ROBO1: variants seen among roughly 807,000 people sequenced by gnomAD.
The protein encoded by ROBO1 is roundabout guidance receptor 1.
In ROBO1, 149 loss-of-function variants were observed where a neutral mutation model predicts 195.9. That is an observed-to-expected ratio of 0.76 (90% confidence interval 0.67 to 0.87). The LOEUF is 0.87. Ranked by LOEUF, ROBO1 falls within the 40% of genes least tolerant of loss-of-function variation. ROBO1 has a pLI of 0.00. For synonymous variants in ROBO1, 816 were observed against 733.2 expected (o/e 1.11, Z -1.82); for missense variants, 1,933 against 2,068.3 (o/e 0.93, Z 1.27).
intron 4 of ROBO1, among the ~76,000 whole-genome samples, chr3:78,753,984 GTTTA>G (rs745868304): frequency 2.0e-5 from 3 of 152,222 alleles, no homozygotes; most frequent in African/African-American, 7.2e-5. Flanking sequence ...TTGTAGATGT[GTTTA>G]TTTATGAATC....
At chr3:78,971,460 C>T (rs1436841122) in intron 3 of ROBO1, among the ~76,000 whole-genome samples, 2 of 152,114 alleles carry the variant, frequency 1.3e-5, no homozygotes, top group Non-Finnish European at 2.9e-5. Context: ...GTGGCTCCAA[C>T]TATGTTCATT....
intron 4 of ROBO1, among the ~76,000 whole-genome samples, chr3:78,766,597 G>T (rs1293198625): frequency 1.3e-5 from 2 of 151,920 alleles, no homozygotes; most frequent in African/African-American, 2.4e-5. Flanking sequence ...TACTGATTTG[G>T]ATGCCCTTTA....
chr3:79,412,342 C>G (rs541645276), intron 2 of ROBO1, among the ~76,000 whole-genome samples: 15 of 152,236 alleles, frequency 9.9e-5, no homozygotes, highest in Admixed American at 8.5e-4. Context: ...CCTGCCATCT[C>G]TCACTTCTTC....
At chr3:79,690,300 A>G (rs1334541240) in intron 1 of ROBO1, among the ~76,000 whole-genome samples, 1 of 151,962 alleles carries the variant, frequency 6.6e-6, no homozygotes, top group African/African-American at 2.4e-5. Context: ...CACAAATCCT[A>G]AAAAGCAAAG....
chr3:79,513,598 A>G (rs1940815563), intron 2 of ROBO1, among the ~76,000 whole-genome samples: 2 of 152,148 alleles, frequency 1.3e-5, no homozygotes, highest in Non-Finnish European at 2.9e-5. Context: ...GACATCTTTT[A>G]TAGAGCGATT....
At chr3:79,361,412 G>A (rs1289687187) in intron 2 of ROBO1, among the ~76,000 whole-genome samples, 2 of 151,876 alleles carry the variant, frequency 1.3e-5, no homozygotes, top group Non-Finnish European at 2.9e-5. Flanking sequence ...AATAAATATT[G>A]TCACTGAAAA....
intron 4 of ROBO1, among the ~76,000 whole-genome samples, chr3:78,856,284 CA>C (rs1178375964): frequency 6.8e-5 from 4 of 58,918 alleles, no homozygotes; most frequent in Non-Finnish European, 1.0e-4. Context: ...AATAACCTAG[CA>C]AAAAAAAGAA....
intron 28 of ROBO1, among the ~76,000 whole-genome samples, chr3:78,614,235 T>C (rs2107357456): frequency 6.6e-6 from 1 of 152,252 alleles, no homozygotes; most frequent in African/African-American, 2.4e-5. Context: ...GAATTAATAT[T>C]CAAACACATT....
At chr3:79,684,652 T>TGA (rs1369238804) in intron 1 of ROBO1, among the ~76,000 whole-genome samples, 4 of 151,904 alleles carry the variant, frequency 2.6e-5, no homozygotes, top group African/African-American at 9.7e-5. Context: ...TACTCCTGAA[T>TGA]TATGATGATG....
intron 3 of ROBO1, among the ~76,000 whole-genome samples, chr3:79,116,863 A>G (rs2080013678): frequency 2.0e-5 from 3 of 152,152 alleles, no homozygotes; most frequent in South Asian, 2.1e-4. Context: ...TACAATGTAA[A>G]TGCCATGTAA....
intron 4 of ROBO1, among the ~76,000 whole-genome samples, chr3:78,791,235 T>C (rs926990554): frequency 2.6e-5 from 4 of 152,162 alleles, no homozygotes; most frequent in Non-Finnish European, 2.9e-5. Context: ...AGGTACACTA[T>C]AGGGTTAGGA....
At chr3:79,416,301 T>C (rs1015700144) in intron 2 of ROBO1, among the ~76,000 whole-genome samples, 4 of 151,626 alleles carry the variant, frequency 2.6e-5, no homozygotes, top group African/African-American at 9.7e-5. Context: ...GAAAGAAGTA[T>C]AGATACGAAA....
intron 2 of ROBO1, among the ~76,000 whole-genome samples, chr3:79,192,162 A>C (rs1458498601): frequency 6.6e-6 from 1 of 151,652 alleles, no homozygotes; most frequent in East Asian, 1.9e-4. Flanking sequence ...TTCATTCTCA[A>C]TTCTATTAGT....
At chr3:78,801,518 G>T (rs2084371217) in intron 4 of ROBO1, among the ~76,000 whole-genome samples, 2 of 151,698 alleles carry the variant, frequency 1.3e-5, no homozygotes, top group Non-Finnish European at 2.9e-5. Context: ...AAAATACACA[G>T]ACATAAAATG....
At chr3:78,695,596 G>A (rs1265718347) in intron 8 of ROBO1, among the ~76,000 whole-genome samples, 1 of 139,560 alleles carries the variant, frequency 7.2e-6, no homozygotes, top group Non-Finnish European at 1.5e-5. Context: ...CTGCACTCCA[G>A]CCTGGCCAAC....
chr3:79,253,567 TG>T (rs2082771834), intron 2 of ROBO1, among the ~76,000 whole-genome samples: 1 of 152,190 alleles, frequency 6.6e-6, no homozygotes, highest in South Asian at 2.1e-4. Flanking sequence ...TAGTTGAAGA[TG>T]GTGCTCAAGG....
intron 2 of ROBO1, among the ~76,000 whole-genome samples, chr3:79,270,293 A>G (rs1038832729): frequency 1.2e-4 from 18 of 149,968 alleles, no homozygotes; most frequent in African/African-American, 4.4e-4. Flanking sequence ...CTTTTGTTGT[A>G]TTTTATAAGA....
chr3:78,653,477 A>G (rs990564795), intron 18 of ROBO1, among the ~76,000 whole-genome samples: 8 of 152,194 alleles, frequency 5.3e-5, no homozygotes, highest in African/African-American at 1.9e-4. Flanking sequence ...TGCCTGGGTA[A>G]TACCTTCAAC....
At chr3:78,898,301 C>T (rs1014218717) in intron 4 of ROBO1, among the ~76,000 whole-genome samples, 3 of 144,456 alleles carry the variant, frequency 2.1e-5, no homozygotes, top group African/African-American at 5.1e-5. Context: ...AACAAAAGTG[C>T]AATACACAAG....
Sources: gnomAD v4.1 joint callset for allele counts (sites outside exome capture counted in the v4.1 genomes callset) on GRCh38, gnomAD v4.1.1 for gene constraint, MANE v1.5 for transcripts, NCBI Gene and HGNC (gene_info 2026-07-23, HGNC 2026-07-21) for gene names.